THTPA: variants seen among roughly 807,000 people sequenced by gnomAD.
THTPA encodes the protein thiamine triphosphatase.
In THTPA, 16 loss-of-function variants were observed where a neutral mutation model predicts 16.5. That is an observed-to-expected ratio of 0.97 (90% CI 0.66 to 1.47). The LOEUF is 1.47. Ranked by LOEUF, THTPA falls within the 40% of genes most tolerant of loss-of-function variation. The pLI, the probability that THTPA is intolerant of heterozygous loss-of-function variation, is 0.00. For missense variants in THTPA, 281 were observed against 280.9 expected, an observed-to-expected ratio of 1.00 and a Z score of 0.00; for synonymous variants, 110 against 115.5, an observed-to-expected ratio of 0.95 and a Z score of 0.30.
At chr14:23,557,919 C>T (rs1021566287) in intron 1 of THTPA, among the ~76,000 whole-genome samples, 24 of 152,346 alleles carry the variant, frequency 1.6e-4, no homozygotes, top group African/African-American at 5.5e-4. Context: ...TTTTGTTTTA[C>T]AATTACCTAG....
At chr14:23,530,025 T>C in the THTPA span, 3 of 1,280,852 alleles carry the variant, frequency 2.3e-6, no homozygotes, top group Non-Finnish European at 3.3e-6. Context: ...GTTTTGCTCC[T>C]TGAGCACAGA....
chr14:23,537,187 C>T, the THTPA span, among the ~76,000 whole-genome samples: 1 of 151,982 alleles, frequency 6.6e-6, no homozygotes, highest in African/African-American at 2.4e-5. Context: ...AATGAGGATT[C>T]CTGGGCTGCC....
the THTPA span, chr14:23,531,372 T>C: frequency 7.5e-7 from 1 of 1,327,300 alleles, no homozygotes; most frequent in Non-Finnish European, 9.7e-7. Flanking sequence ...ATAGGTGGCC[T>C]ACAGGCCCTC....
upstream of THTPA, among the ~76,000 whole-genome samples, chr14:23,552,708 T>G (rs1299957547): frequency 1.3e-5 from 2 of 151,810 alleles, no homozygotes; most frequent in African/African-American, 4.8e-5. Context: ...TTCAAGTGAT[T>G]CTCCTGCCTC....
At chr14:23,519,940 A>C in the THTPA span, among the ~76,000 whole-genome samples, 1 of 152,206 alleles carries the variant, frequency 6.6e-6, no homozygotes, top group Non-Finnish European at 1.5e-5. Flanking sequence ...GGTCTTAGGG[A>C]CAAGAGTAGT....
the THTPA span, chr14:23,532,465 T>C: frequency 7.4e-7 from 1 of 1,356,480 alleles, no homozygotes; most frequent in Non-Finnish European, 9.6e-7. Context: ...TTTTTCTCCA[T>C]TTGTCACCCA....
At chr14:23,534,874 TC>T in the THTPA span, 1 of 1,536,078 alleles carries the variant, frequency 6.5e-7, no homozygotes, top group Non-Finnish European at 8.7e-7. This position sits in a 1 kb window ranked among gnomAD's most constrained non-coding sequence, Gnocchi z 4.5. Context: ...ACTGGGCTCT[TC>T]CTTGATGCCC....
At position 23,556,431 on chromosome 14, in the gene THTPA, A is replaced by C; in HGVS notation, c.-327A>C. 1 of 293,276 alleles carries C rather than the reference A, an allele frequency of 3.4e-6. No individual in the cohort carries two copies. The highest frequency in any genetic ancestry group is 6.4e-6 in the Non-Finnish European group (1 of 156,244). 18.2% of individuals were successfully genotyped at this position (293,276 alleles called of 1,614,324 possible). A position where few individuals can be genotyped will look rare whatever the true frequency, so the allele number is the denominator to read the frequency against. On this transcript the variant is annotated 5_prime_UTR_variant, in exon 1 of 2. Coordinates refer to ENST00000288014, the MANE Select transcript of THTPA (RefSeq NM_024328.6). ...GAGCCAGTAGCCTCCTGGGGTGGCA[A>C]GGTGTAGAGAGGGGGGCGTTGAAAG...
chr14:23,523,522 G>A, the THTPA span: 134 of 1,536,458 alleles, frequency 8.7e-5, no homozygotes, highest in Non-Finnish European at 1.1e-4. This position sits in a 1 kb window ranked among gnomAD's most constrained non-coding sequence, Gnocchi z 4.1. Context: ...GGGCTGCTAA[G>A]AGGCCCTCAC....
chr14:23,555,122 G>C (rs1882255827), upstream of THTPA, among the ~76,000 whole-genome samples: 1 of 152,078 alleles, frequency 6.6e-6, no homozygotes, highest in African/African-American at 2.4e-5. Context: ...GGAGTAGCTG[G>C]GAACACAAGC....
the THTPA span, chr14:23,533,844 G>A: frequency 6.5e-7 from 1 of 1,539,288 alleles, no homozygotes; most frequent in African/African-American, 1.4e-5. This position sits in a 1 kb window ranked among gnomAD's most constrained non-coding sequence, Gnocchi z 4.8. Flanking sequence ...CACGAGCAAG[G>A]CGGGGGTGGG....
At chr14:23,543,001 G>GC in the THTPA span, 1 of 152,192 alleles carries the variant, frequency 6.6e-6, no homozygotes, top group Non-Finnish European at 1.5e-5. Flanking sequence ...GGGATTACAG[G>GC]CGTGAGCCAC....
the THTPA span, chr14:23,521,472 GCCT>G: frequency 6.4e-6 from 1 of 155,064 alleles, no homozygotes; most frequent in African/African-American, 2.4e-5. Flanking sequence ...CCCCTTCTTT[GCCT>G]TGGGCTTTCT....
At chr14:23,524,021 G>A in the THTPA span, 3 of 1,515,760 alleles carry the variant, frequency 2.0e-6, no homozygotes, top group Non-Finnish European at 2.6e-6. The surrounding 1 kb of genome is among the most constrained non-coding windows in gnomAD (Gnocchi z 5.6). Flanking sequence ...GGGCCCAGAA[G>A]CAAGCGTGGC....
the THTPA span, chr14:23,522,575 G>A: frequency 2.0e-6 from 3 of 1,526,852 alleles, no homozygotes; most frequent in South Asian, 1.2e-5. Context: ...TTGGAAGTAG[G>A]CCCCCTGTAG....
the THTPA span, chr14:23,533,063 T>TC: frequency 6.5e-7 from 1 of 1,532,192 alleles, no homozygotes; most frequent in South Asian, 1.2e-5. The surrounding 1 kb of genome is among the most constrained non-coding windows in gnomAD (Gnocchi z 4.8). Flanking sequence ...CAGGTGGGCA[T>TC]CAGGGGATAG....
chr14:23,545,681 A>C, the THTPA span, among the ~76,000 whole-genome samples: 1 of 152,212 alleles, frequency 6.6e-6, no homozygotes, highest in Non-Finnish European at 1.5e-5. Flanking sequence ...TGGAGATGAG[A>C]AGAAAGGCAT....
At chr14:23,512,447 C>T in the THTPA span, among the ~76,000 whole-genome samples, 2 of 151,958 alleles carry the variant, frequency 1.3e-5, no homozygotes, top group Non-Finnish European at 2.9e-5. Context: ...CTATTTGAAT[C>T]TGCTCCGGAA....
chr14:23,526,139 C>T, the THTPA span: 41 of 1,536,314 alleles, frequency 2.7e-5, no homozygotes, highest in Non-Finnish European at 3.3e-5. Flanking sequence ...CAGAACTGAC[C>T]GCATGTGGAT....
Sources: gnomAD v4.1 joint callset for allele counts (sites outside exome capture counted in the v4.1 genomes callset) on GRCh38, gnomAD v4.1.1 for gene constraint, Gnocchi (gnomAD v3.1) non-coding constraint, MANE v1.5 for transcripts, NCBI Gene and HGNC (gene_info 2026-07-23, HGNC 2026-07-21) for gene names.